Variants in FRMPD3 observed in about 807,000 individuals in gnomAD.
The protein encoded by FRMPD3 is FERM and PDZ domain containing 3.
In FRMPD3, 42 loss-of-function variants were observed where a neutral mutation model predicts 97.9. The observed-to-expected ratio is 0.43, with a 90% CI of 0.34 to 0.55. The LOEUF is 0.55. Ranked by LOEUF, FRMPD3 falls within the 20% of genes least tolerant of loss-of-function variation. FRMPD3 has a pLI of 0.03. For synonymous variants in FRMPD3, 577 were observed against 581.1 expected, an observed-to-expected ratio of 0.99 and a Z score of 0.10; for missense variants, 1,303 against 1,457.7, an observed-to-expected ratio of 0.89 and a Z score of 1.73.
chrX:107,462,974 C>T (rs1416813491), intron 1 of FRMPD3, among the ~76,000 whole-genome samples: 1 of 112,044 alleles, frequency 8.9e-6, no homozygotes, highest in African/African-American at 3.2e-5. Flanking sequence ...CAGCTCCAGG[C>T]GCAGCTCAGG....
intron 1 of FRMPD3, among the ~76,000 whole-genome samples, chrX:107,481,235 A>C (rs1386334689): frequency 8.9e-6 from 1 of 112,348 alleles, no homozygotes; most frequent in Non-Finnish European, 1.9e-5. Flanking sequence ...CTGCTCCAGC[A>C]CTAGGGCCCT....
intron 1 of FRMPD3, among the ~76,000 whole-genome samples, chrX:107,522,917 G>A (rs939774183): frequency 2.7e-4 from 29 of 108,350 alleles, no homozygotes; most frequent in Non-Finnish European, 4.2e-4. Context: ...AACAAACCTC[G>A]TGGGGTGGCG....
At chrX:107,538,554 A>C (rs1921118133) in intron 4 of FRMPD3, among the ~76,000 whole-genome samples, 2 of 108,111 alleles carry the variant, frequency 1.8e-5, no homozygotes, top group South Asian at 4.1e-4. Context: ...AAAAAAAAAA[A>C]AAAAAAAAAA....
chrX:107,497,129 T>G (rs1241730080), intron 1 of FRMPD3, among the ~76,000 whole-genome samples: 1 of 112,199 alleles, frequency 8.9e-6, no homozygotes, highest in Admixed American at 9.4e-5. Flanking sequence ...GGGAGTTGAG[T>G]ACGTTCTGTG....
intron 1 of FRMPD3, among the ~76,000 whole-genome samples, chrX:107,488,592 G>T (rs1425199874): frequency 8.9e-6 from 1 of 111,990 alleles, no homozygotes; most frequent in Non-Finnish European, 1.9e-5. Context: ...AAAGTATTTT[G>T]AGATGAAAAT....
In FRMPD3 at chrX:107,535,712, T is replaced by C. The variant is rs138253780; in HGVS notation, c.297+2162T>C. Among the ~76,000 whole-genome samples the C allele has an allele frequency of 8.3e-3, 890 of 106,968 alleles. 10 individuals carry two copies. Among genetic ancestry groups the C allele is most frequent in the African/African-American group, 0.029 (835 of 29,284 alleles). The allele number at this position is 106,968 out of a possible 115,157, so 92.9% of individuals were successfully genotyped here. A position where few individuals can be genotyped will look rare whatever the true frequency, so the allele number is the denominator to read the frequency against. ...AAAAGGCAAAACAGAACAAAAACTA[T>C]GTGCAATAGCAAAACCAGGAAATCA... is the stretch of plus-strand genomic sequence containing the variant. On this transcript the variant is annotated intron_variant, in intron 4 of 14. Coordinates refer to ENST00000683843, the MANE Select transcript of FRMPD3 (RefSeq NM_001388459.1).
intron 1 of FRMPD3, among the ~76,000 whole-genome samples, chrX:107,461,772 T>C (rs1158087278): frequency 9.6e-6 from 1 of 103,649 alleles, no homozygotes; most frequent in Non-Finnish European, 2.0e-5. Flanking sequence ...CATATACATA[T>C]ACATATACAT....
chrX:107,579,876 A>G (rs1232187075), intron 13 of FRMPD3, among the ~76,000 whole-genome samples: 1 of 111,824 alleles, frequency 8.9e-6, no homozygotes, highest in East Asian at 2.8e-4. Context: ...ATTTTGGTTA[A>G]TGGCTACTAT....
intron 1 of FRMPD3, among the ~76,000 whole-genome samples, chrX:107,472,343 G>C (rs1459000404): frequency 3.6e-5 from 4 of 111,130 alleles, no homozygotes; most frequent in Non-Finnish European, 7.5e-5. Context: ...CATTGCTTTT[G>C]GTGTTTTAGT....
Position 107,450,015 on chromosome X carries a change from G to A in FRMPD3, c.-8+10G>A, listed in dbSNP as rs775263847. ...GAGGAGGGGGAGGAAGGTAAGAGGC[G>A]CGCTGCCTTCAGGGGGGCGCGCCCG... On this transcript the variant is annotated intron_variant, in intron 1 of 14. Coordinates refer to ENST00000683843, the MANE Select transcript of FRMPD3 (RefSeq NM_001388459.1). 4.7e-3 allele frequency among the ~76,000 whole-genome samples: 525 copies of A among 110,625 alleles called. 1 individual carries two copies. Among genetic ancestry groups the A allele is most frequent in the African/African-American group, 0.016 (498 of 30,758 alleles).
chrX:107,517,482 G>A (rs1037196693), intron 1 of FRMPD3, among the ~76,000 whole-genome samples: 2 of 111,849 alleles, frequency 1.8e-5, no homozygotes, highest in Non-Finnish European at 3.8e-5. Context: ...GACCATGGCC[G>A]GGCGTGGTGG....
At chrX:107,571,564 C>T (rs1171248343) in intron 12 of FRMPD3, among the ~76,000 whole-genome samples, 3 of 111,565 alleles carry the variant, frequency 2.7e-5, no homozygotes, top group Non-Finnish European at 3.8e-5. Flanking sequence ...ATTTTGCTTT[C>T]GTGCTGTTTT....
chrX:107,550,269 G>A lies in FRMPD3; in HGVS notation c.510+113G>A, dbSNP rs1005478739. On this transcript the variant is annotated intron_variant, in intron 6 of 14. Transcript: ENST00000683843. Reference sequence around the variant, plus strand: ...AGCTGCTTGCCACTGGAGTAAGGTGGCCTTTAAGCTCTGGATGCTTGTTAG... The same window carrying A: ...AGCTGCTTGCCACTGGAGTAAGGTGACCTTTAAGCTCTGGATGCTTGTTAG... 3.7e-5 allele frequency: 19 copies of A among 519,511 alleles called. No individual in the cohort carries two copies. In the African/African-American group the frequency reaches 4.0e-4, roughly 11 times the overall value. The allele number at this position is 519,511 out of a possible 1,213,427, so 42.8% of individuals were successfully genotyped here. A position where few individuals can be genotyped will look rare whatever the true frequency, so the allele number is the denominator to read the frequency against.
Position 107,600,540 on chromosome X carries a change from G to A in FRMPD3, c.2501G>A (p.Gly834Glu). Residue 834 changes from glycine to glutamate, a missense_variant, in exon 15 of 15, where the codon GGG (glycine) becomes GAG (glutamate). Physicochemically the swap from Gly to Glu is moderately conservative, Grantham distance 98. Around this residue, in one of 3 missense-constraint regions of FRMPD3, gnomAD observed 764 missense variants for 820.2 expected, o/e 0.93. Transcript: ENST00000683843. ...QAVLTAPYSL[G>E]RPDPNPSLQP... ...GTTCTTACGGCCCCTTACTCTCTTGGGCGCCCGGATCCCAACCCATCTCTC... is the reference window on the plus strand; with the variant it reads ...GTTCTTACGGCCCCTTACTCTCTTGAGCGCCCGGATCCCAACCCATCTCTC... 8.3e-7 allele frequency: 1 copy of A among 1,210,623 alleles called. No individual in the cohort carries two copies. Among genetic ancestry groups the A allele is most frequent in the Non-Finnish European group, 1.1e-6 (1 of 895,326 alleles).
chrX:107,592,102 G>A (rs1430882396), intron 13 of FRMPD3, among the ~76,000 whole-genome samples: 9 of 104,790 alleles, frequency 8.6e-5, no homozygotes, highest in Non-Finnish European at 1.2e-4. Flanking sequence ...GCCCTTCCCC[G>A]CAAGTCCCCA....
chrX:107,506,503 A>G (rs758830596), intron 1 of FRMPD3, among the ~76,000 whole-genome samples: 2 of 112,935 alleles, frequency 1.8e-5, no homozygotes, highest in Non-Finnish European at 3.7e-5. Context: ...TCTGAGCCTC[A>G]ATTTTATTTT....
Position 107,565,021 on chromosome X carries a change from G to C in FRMPD3, c.1251G>C (p.Glu417Asp). 8.3e-7 allele frequency: 1 copy of C among 1,203,217 alleles called. No homozygotes were observed. Among genetic ancestry groups the C allele is most frequent in the Non-Finnish European group, 1.1e-6 (1 of 891,430 alleles). The change falls in exon 12 of 15, where the codon GAG (glutamate) becomes GAC (aspartate). Residue 417 changes from glutamate (E) to aspartate (D), a missense_variant. Physicochemically the swap from Glu to Asp is conservative, Grantham distance 45. Coordinates refer to ENST00000683843, the MANE Select transcript of FRMPD3 (RefSeq NM_001388459.1). Reference sequence around the variant, plus strand: ...TCAGCAAGATCCAGCTGTTCCGGGAGAACCAGGGCGTGGCCCGGGTGGAGA... The same window carrying C: ...TCAGCAAGATCCAGCTGTTCCGGGACAACCAGGGCGTGGCCCGGGTGGAGA... ...SKISKIQLFR[E>D]NQGVARVETS... is the part of the protein sequence containing the mutation.
chrX:107,592,037 G>A (rs1435362304), intron 13 of FRMPD3, among the ~76,000 whole-genome samples: 3 of 109,538 alleles, frequency 2.7e-5, no homozygotes, highest in Admixed American at 9.8e-5. Flanking sequence ...CCCATCACCC[G>A]AACAGTGTAC....
chrX:107,503,853 G>A (rs1173731279), intron 1 of FRMPD3, among the ~76,000 whole-genome samples: 2 of 111,956 alleles, frequency 1.8e-5, no homozygotes, highest in Non-Finnish European at 1.9e-5. Flanking sequence ...CCAGGGTTCA[G>A]GCCACCCTGA....
Sources: allele counts gnomAD v4.1 joint callset (sites outside exome capture counted in the v4.1 genomes callset), GRCh38; gene constraint gnomAD v4.1.1; regional missense constraint gnomAD v4.1.1; transcripts MANE v1.5; gene names NCBI Gene and HGNC (gene_info 2026-07-23, HGNC 2026-07-21).